The following DPY19L4 variants were observed in gnomAD, a reference collection of about 807,000 sequenced individuals.
DPY19L4 encodes dpy-19 like 4, also known as probable C-mannosyltransferase DPY19L4.
Under a neutral mutation model 102.8 loss-of-function variants are expected in DPY19L4, and 97 were observed. The observed-to-expected ratio is 0.94, with a 90% CI of 0.80 to 1.12. The LOEUF (loss-of-function observed/expected upper bound fraction) is 1.12, where lower values mean the gene tolerates loss of function less well. DPY19L4 is among the 50% of genes most tolerant of loss of function. The pLI, the probability that DPY19L4 is intolerant of heterozygous loss-of-function variation, is 0.00. For synonymous variants in DPY19L4, 252 were observed against 283.1 expected (o/e 0.89, Z 1.10); for missense variants, 815 against 850.4 (o/e 0.96, Z 0.52).
At chr8:94,745,239 G>C (rs550399812) in intron 6 of DPY19L4, among the ~76,000 whole-genome samples, 9 of 152,182 alleles carry the variant, frequency 5.9e-5, no homozygotes, top group African/African-American at 2.2e-4. Flanking sequence ...GTACAGATAG[G>C]GGGAAAAAAT....
rs1431508160 is a variant in DPY19L4, at chr8:94,719,978, G to T, written c.-21G>T. On this transcript the variant is annotated 5_prime_UTR_variant, in exon 1 of 19. Transcript: ENST00000414645. Reference sequence around the variant, plus strand: ...CTGGGCCGCGCGGGAGCCGCAGGGCGCCCTAGCCTTCGCAGAAACGATGGC... The same window carrying T: ...CTGGGCCGCGCGGGAGCCGCAGGGCTCCCTAGCCTTCGCAGAAACGATGGC... The T allele has an allele frequency of 2.0e-6, 3 of 1,521,234 alleles. No individual in the cohort carries two copies. Among genetic ancestry groups the T allele is most frequent in the Non-Finnish European group, 2.6e-6 (3 of 1,135,586 alleles). The allele number at this position is 1,521,234 out of a possible 1,614,324, so 94.2% of individuals were successfully genotyped here.
chr8:94,771,129 C>T (rs1586400142), intron 13 of DPY19L4, among the ~76,000 whole-genome samples: 1 of 152,182 alleles, frequency 6.6e-6, no homozygotes, highest in East Asian at 1.9e-4. Flanking sequence ...ATTGGTCAGG[C>T]TGGTCTTGAA....
At chr8:94,781,055 G>A in intron 15 of DPY19L4, 29 bp from the exon 16 acceptor site, 1 of 843,214 alleles carries the variant, frequency 1.2e-6, no homozygotes. Flanking sequence ...ATCTTTTGGG[G>A]ATTTTTTTTT....
At chr8:94,783,950 T>A (rs1813544194) in intron 17 of DPY19L4, 148 bp downstream of exon 17, 2 of 859,186 alleles carry the variant, frequency 2.3e-6, no homozygotes, top group East Asian at 5.6e-5. Context: ...AAAACCTTTT[T>A]AATTAATAAT....
rs574537183 is a variant in DPY19L4 at position 94,789,679 on chromosome 8, A to G, written c.2008-67A>G. 5 of 1,337,438 alleles carry G rather than the reference A, an allele frequency of 3.7e-6. No individual in the cohort carries two copies. The South Asian group carries it at 4.4e-5, about 12-fold the overall frequency. 82.8% of individuals were successfully genotyped at this position (1,337,438 alleles called of 1,614,324 possible). A position where few individuals can be genotyped will look rare whatever the true frequency, so the allele number is the denominator to read the frequency against. On this transcript the variant is annotated intron_variant, in intron 18 of 18. Coordinates refer to ENST00000414645, the MANE Select transcript of DPY19L4 (RefSeq NM_181787.3). ...TTTTCATATAAATATACTCATTTGT[A>G]TATTGATTGCATTTCTGCTATAAGC...
chr8:94,788,020 G>A lies in DPY19L4; in HGVS notation c.1975G>A (p.Val659Ile). ...NEVGPMRGCR[V>I]KDLLDIANGH... ...GGTGGGACCCATGAGAGGCTGTAGG[G>A]TTAAAGATTTATTAGACATTGCAAA... The change falls in exon 18 of 19, where the codon GTT becomes ATT. Residue 659 changes from valine to isoleucine, a missense_variant. Val to Ile is a conservative substitution (Grantham distance 29). Coordinates refer to ENST00000414645, the MANE Select transcript of DPY19L4 (RefSeq NM_181787.3). The A allele has an allele frequency of 8.7e-6, 13 of 1,488,158 alleles. No individual in the cohort carries two copies. The highest frequency in any genetic ancestry group is 1.2e-5 in the Non-Finnish European group (13 of 1,119,656). The allele number at this position is 1,488,158 out of a possible 1,614,324, so 92.2% of individuals were successfully genotyped here.
At chr8:94,755,977 G>T in intron 6 of DPY19L4, 59 bp from the exon 7 acceptor site, 1 of 1,517,906 alleles carries the variant, frequency 6.6e-7, no homozygotes, top group East Asian at 2.3e-5. Context: ...ACTTTGAAAA[G>T]TATAGTGTAA....
intron 6 of DPY19L4, among the ~76,000 whole-genome samples, chr8:94,742,773 C>G (rs1223668153): frequency 1.3e-5 from 2 of 151,914 alleles, no homozygotes; most frequent in Non-Finnish European, 2.9e-5. Flanking sequence ...ATTGGCCAGG[C>G]TGGTCTTGAA....
intron 6 of DPY19L4, among the ~76,000 whole-genome samples, chr8:94,745,662 T>C (rs1811639089): frequency 6.6e-6 from 1 of 152,168 alleles, no homozygotes; most frequent in Admixed American, 6.5e-5. Flanking sequence ...TAGGGAGCAG[T>C]TTCTCCCAGG....
intron 7 of DPY19L4, among the ~76,000 whole-genome samples, chr8:94,761,200 T>C (rs1471137300): frequency 6.6e-6 from 1 of 152,130 alleles, no homozygotes; most frequent in Non-Finnish European, 1.5e-5. Context: ...GAAAGTTTCA[T>C]AGAGATCGCA....
At chr8:94,764,711 ATATATATTTTT>A (rs1486665873) in intron 8 of DPY19L4, among the ~76,000 whole-genome samples, 2 of 62,060 alleles carry the variant, frequency 3.2e-5, no homozygotes, top group Non-Finnish European at 5.9e-5. Context: ...ATATATATAT[ATATATATTTTT>A]TTTTTTTTTT....
rs112867420 is a variant in DPY19L4, at chr8:94,759,078, T to C, written c.736-2622T>C. On this transcript the variant is annotated intron_variant, in intron 7 of 18. Coordinates refer to ENST00000414645, the MANE Select transcript of DPY19L4 (RefSeq NM_181787.3). ...TGAAGCCGCGGACCCTTGTGGTGAC[T>C]GTTAACAGCTCTTAAAGATGGCATG... Among the ~76,000 whole-genome samples the C allele has an allele frequency of 3.8e-3, 575 of 152,204 alleles. 2 individuals carry two copies. The highest frequency in any genetic ancestry group is 0.013 in the African/African-American group (543 of 41,520).
intron 15 of DPY19L4, among the ~76,000 whole-genome samples, chr8:94,780,756 A>T (rs1233592687): frequency 2.6e-5 from 4 of 152,180 alleles, no homozygotes; most frequent in African/African-American, 9.7e-5. Flanking sequence ...TCTGCAAATT[A>T]TTGGACCTGA....
intron 7 of DPY19L4, among the ~76,000 whole-genome samples, chr8:94,758,196 G>A (rs959066840): frequency 2.6e-5 from 4 of 152,006 alleles, no homozygotes; most frequent in Admixed American, 2.0e-4. Flanking sequence ...ACGTGGACTC[G>A]CTCTGTCACC....
At chr8:94,771,464 CTTA>C (rs1337357813) in intron 13 of DPY19L4, among the ~76,000 whole-genome samples, 1 of 152,178 alleles carries the variant, frequency 6.6e-6, no homozygotes, top group African/African-American at 2.4e-5. Context: ...AGTCTCTAAC[CTTA>C]TTTAACTTAT....
intron 2 of DPY19L4, among the ~76,000 whole-genome samples, chr8:94,731,271 T>G (rs1810941855): frequency 6.6e-6 from 1 of 152,192 alleles, no homozygotes; most frequent in Non-Finnish European, 1.5e-5. Context: ...TTTTTATAGT[T>G]CATATTGTCT....
rs377731745 is a variant in DPY19L4 at position 94,720,028 on chromosome 8, G to A, written c.16+14G>A. On this transcript the variant is annotated intron_variant, in intron 1 of 18. Transcript: ENST00000414645. ...CGGAGGAAGAAGGTGATTGCCGCGG[G>A]GTCCAGCGCGCCAACGGCTGCCAGT... is the stretch of plus-strand genomic sequence containing the variant. The A allele has an allele frequency of 1.4e-3, 2,110 of 1,529,002 alleles. 6 individuals are homozygous for A. Among genetic ancestry groups the A allele is most frequent in the Non-Finnish European group, 1.7e-3 (1,961 of 1,139,088 alleles). 94.7% of individuals were successfully genotyped at this position (1,529,002 alleles called of 1,614,324 possible). A position where few individuals can be genotyped will look rare whatever the true frequency, so the allele number is the denominator to read the frequency against.
rs75758464 is a variant in DPY19L4, at chr8:94,765,918, A to G, written c.1101+109A>G. 0.012 allele frequency: 8,109 copies of G among 684,418 alleles called. 352 individuals are homozygous for G. The highest frequency in any genetic ancestry group is 0.11 in the African/African-American group (5,894 of 53,498). 42.4% of individuals were successfully genotyped at this position (684,418 alleles called of 1,614,324 possible). On this transcript the variant is annotated intron_variant, in intron 10 of 18. Coordinates refer to ENST00000414645, the MANE Select transcript of DPY19L4 (RefSeq NM_181787.3). Reference sequence around the variant, plus strand: ...TAGCACGTAATAGAGTTTGAACAGTATAATTTTGAGTTAAACAACAATCAT... The same window carrying G: ...TAGCACGTAATAGAGTTTGAACAGTGTAATTTTGAGTTAAACAACAATCAT...
At chr8:94,760,107 C>A (rs531374508) in intron 7 of DPY19L4, among the ~76,000 whole-genome samples, 26 of 152,306 alleles carry the variant, frequency 1.7e-4, no homozygotes, top group Admixed American at 5.2e-4. Flanking sequence ...AATAACTTTG[C>A]TAACTCTCCA....
Sources: allele counts gnomAD v4.1 joint callset (sites outside exome capture counted in the v4.1 genomes callset), GRCh38; gene constraint gnomAD v4.1.1; transcripts MANE v1.5; gene names NCBI Gene and HGNC (gene_info 2026-07-23, HGNC 2026-07-21).